The following RPGRIP1 variants were observed in gnomAD, a reference collection of about 807,000 sequenced individuals.
RPGRIP1 encodes the protein RPGR interacting protein 1, also known as X-linked retinitis pigmentosa GTPase regulator-interacting protein 1.
RPGRIP1 carries 128 observed loss-of-function variants against 157.9 expected under a neutral mutation model. The observed-to-expected ratio is 0.81, with a 90% CI of 0.70 to 0.94. RPGRIP1 has a LOEUF of 0.94. RPGRIP1 is among the 40% of genes least tolerant of loss of function. The pLI is 0.00. For missense variants in RPGRIP1, 1,486 were observed against 1,545.8 expected (o/e 0.96, Z 0.65); for synonymous variants, 554 against 571.6 (o/e 0.97, Z 0.44).
intron 3 of RPGRIP1, among the ~76,000 whole-genome samples, chr14:21,298,862 C>T (rs1188955987): frequency 6.7e-6 from 1 of 149,288 alleles, no homozygotes; most frequent in Non-Finnish European, 1.5e-5. Flanking sequence ...ATCTCTTGAA[C>T]CCGGGAGGCT....
chr14:21,338,871 G>A (rs930747594), intron 21 of RPGRIP1, among the ~76,000 whole-genome samples: 3 of 152,240 alleles, frequency 2.0e-5, no homozygotes, highest in African/African-American at 7.2e-5. Flanking sequence ...GGGTGTGGTG[G>A]CTCACGCCTG....
At chr14:21,319,004 T>C (rs1185128737) in intron 11 of RPGRIP1, among the ~76,000 whole-genome samples, 1 of 152,194 alleles carries the variant, frequency 6.6e-6, no homozygotes, top group Non-Finnish European at 1.5e-5. Flanking sequence ...TACTTTTTCC[T>C]AGCCTGGACC....
At chr14:21,338,739 A>G (rs1392152029) in intron 21 of RPGRIP1, among the ~76,000 whole-genome samples, 1 of 152,238 alleles carries the variant, frequency 6.6e-6, no homozygotes, top group Non-Finnish European at 1.5e-5. Context: ...ACTTGGATCA[A>G]ATTTTAATCT....
chr14:21,287,972 A>T lies in RPGRIP1; in HGVS notation c.-5A>T. 1 of 1,606,416 alleles carries T rather than the reference A, an allele frequency of 6.2e-7. No homozygotes were observed. Among genetic ancestry groups the T allele is most frequent in the Non-Finnish European group, 8.5e-7 (1 of 1,173,958 alleles). The stretch of plus-strand genomic sequence containing the variant: ...GGGATCTCTTACAGCTTGGGAACAG[A>T]GATCATGTCACATCTGGTGGACCCT... On this transcript the variant is annotated 5_prime_UTR_variant, in exon 2 of 25. Coordinates refer to ENST00000400017, the MANE Select transcript of RPGRIP1 (RefSeq NM_020366.4).
At chr14:21,344,351 C>A (rs1040780761) in intron 22 of RPGRIP1, among the ~76,000 whole-genome samples, 1 of 152,014 alleles carries the variant, frequency 6.6e-6, no homozygotes, top group South Asian at 2.1e-4. Flanking sequence ...AATAATCAAA[C>A]CTGTCAAATT....
At chr14:21,333,904 G>C (rs921828048) in intron 20 of RPGRIP1, among the ~76,000 whole-genome samples, 1 of 151,428 alleles carries the variant, frequency 6.6e-6, no homozygotes, top group Non-Finnish European at 1.5e-5. Flanking sequence ...GCTGAGATAG[G>C]AGAGACCATT....
chr14:21,326,584 G>A (rs946849083), intron 17 of RPGRIP1, among the ~76,000 whole-genome samples: 1 of 151,968 alleles, frequency 6.6e-6, no homozygotes, highest in African/African-American at 2.4e-5. Flanking sequence ...TGGTCAGGCT[G>A]GTCTTCAACT....
chr14:21,284,617 T>C (rs1049004326), intron 1 of RPGRIP1, among the ~76,000 whole-genome samples: 1 of 148,502 alleles, frequency 6.7e-6, no homozygotes, highest in African/African-American at 2.5e-5. Flanking sequence ...CGATCTCTGC[T>C]CACTGCATCC....
chr14:21,325,701 AG>A, intron 16 of RPGRIP1, 129 bp from the exon 17 acceptor site: 2 of 732,050 alleles, frequency 2.7e-6, no homozygotes, highest in Non-Finnish European at 4.5e-6. Context: ...GAAGATCATT[AG>A]GTTTCTTCCT....
intron 6 of RPGRIP1, among the ~76,000 whole-genome samples, chr14:21,304,387 G>GAA (rs1881187449): frequency 1.1e-5 from 1 of 91,544 alleles, no homozygotes; most frequent in African/African-American, 4.2e-5. Context: ...AGGAAGGAGA[G>GAA]AGAGAAAGAA....
At chr14:21,308,750 G>A (rs1881422136) in intron 7 of RPGRIP1, among the ~76,000 whole-genome samples, 1 of 152,292 alleles carries the variant, frequency 6.6e-6, no homozygotes, top group African/African-American at 2.4e-5. Context: ...AAAGCAGAGA[G>A]GGGAGACCTC....
intron 21 of RPGRIP1, among the ~76,000 whole-genome samples, chr14:21,342,374 C>G (rs1309906970): frequency 6.6e-6 from 1 of 151,846 alleles, no homozygotes; most frequent in Non-Finnish European, 1.5e-5. Context: ...AAGACCATAT[C>G]TCTATTAAAA....
At chr14:21,314,799 A>G (rs2139180230) in intron 10 of RPGRIP1, among the ~76,000 whole-genome samples, 1 of 152,070 alleles carries the variant, frequency 6.6e-6, no homozygotes, top group East Asian at 1.9e-4. Context: ...AGGCAGGCAG[A>G]TTGCCTGAGC....
chr14:21,288,804 T>C (rs10143768), intron 2 of RPGRIP1, among the ~76,000 whole-genome samples: 30,811 of 152,060 alleles, frequency 0.2, 3,292 homozygotes, highest in East Asian at 0.29. Context: ...TGAGCCACCG[T>C]GCCCAGACTT....
Position 21,297,517 on chromosome 14 carries a change from G to A in RPGRIP1, c.218+2708G>A, listed in dbSNP as rs1880836468. Among the ~76,000 whole-genome samples the A allele has an allele frequency of 2.6e-5, 4 of 152,238 alleles. No homozygotes were observed. In the South Asian group the frequency reaches 8.3e-4, roughly 32 times the overall value. The stretch of plus-strand genomic sequence containing the variant: ...GGAGGTGAGGGAAGGTAAACAGATG[G>A]GAAGAATGGGAGTTCTCAAAGTCTG... On this transcript the variant is annotated intron_variant, in intron 3 of 24. Coordinates refer to ENST00000400017, the MANE Select transcript of RPGRIP1 (RefSeq NM_020366.4).
At chr14:21,342,935 G>T (rs1471723237) in intron 21 of RPGRIP1, 101 bp from the exon 22 acceptor site, 7 of 791,444 alleles carry the variant, frequency 8.8e-6, no homozygotes, top group Non-Finnish European at 1.0e-5. Context: ...TTATACCTAT[G>T]GTTGATTTCT....
chr14:21,303,159 C>T (rs1206339731), intron 5 of RPGRIP1, among the ~76,000 whole-genome samples, 172 bp from the exon 6 acceptor site: 2 of 151,992 alleles, frequency 1.3e-5, no homozygotes, highest in African/African-American at 4.8e-5. Context: ...TGAGCCACCA[C>T]GCCTGGCCCA....
intron 8 of RPGRIP1, among the ~76,000 whole-genome samples, chr14:21,311,570 C>G (rs1881543149): frequency 6.7e-6 from 1 of 150,042 alleles, no homozygotes; most frequent in Admixed American, 6.7e-5. Context: ...TAAATAAATA[C>G]AAGAAAAGAA....
chr14:21,319,423 G>T (rs926033048), intron 11 of RPGRIP1, among the ~76,000 whole-genome samples: 2 of 152,110 alleles, frequency 1.3e-5, no homozygotes, highest in African/African-American at 2.4e-5. Flanking sequence ...TTAGCCAGTC[G>T]TAGTGTCGTG....
Sources: gnomAD v4.1 joint callset for allele counts (sites outside exome capture counted in the v4.1 genomes callset) on GRCh38, gnomAD v4.1.1 for gene constraint, MANE v1.5 for transcripts, NCBI Gene and HGNC (gene_info 2026-07-23, HGNC 2026-07-21) for gene names.